The following SLC12A2 variants were observed in gnomAD, a reference collection of about 807,000 sequenced individuals.
SLC12A2 encodes the protein solute carrier family 12 member 2.
Under a neutral mutation model 136.3 loss-of-function variants are expected in SLC12A2, and 67 were observed. The observed-to-expected ratio is 0.49, with a 90% CI of 0.40 to 0.60. The LOEUF (loss-of-function observed/expected upper bound fraction) is 0.60. Ranked by LOEUF, SLC12A2 falls within the 20% of genes least tolerant of loss-of-function variation. The pLI is 0.00. For synonymous variants in SLC12A2, 619 were observed against 562.9 expected (o/e 1.10, Z -1.41); for missense variants, 1,322 against 1,534.7 (o/e 0.86, Z 2.32).
At position 128,088,007 on chromosome 5, in the gene SLC12A2, CTGTGTG is replaced by C. The variant is rs58191870; in HGVS notation, c.756+3325_756+3330del. 2.1e-3 allele frequency among the ~76,000 whole-genome samples: 298 copies of C among 140,388 alleles called. 2 individuals are homozygous for C. Among genetic ancestry groups the C allele is most frequent in the African/African-American group, 7.1e-3 (266 of 37,672 alleles). The allele number at this position is 140,388 out of a possible 152,430, so 92.1% of individuals were successfully genotyped here. On this transcript the variant is annotated intron_variant, in intron 1 of 26. Transcript: ENST00000262461. ...TATTCCAAGAGTCGTGGAGGAGGCTCTGTGTGTGTGTGTGTGTGTGTGTGTGTGTGT... is the reference window on the plus strand; with the variant it reads ...TATTCCAAGAGTCGTGGAGGAGGCTCTGTGTGTGTGTGTGTGTGTGTGTGT...
intron 1 of SLC12A2, among the ~76,000 whole-genome samples, chr5:128,109,202 A>C (rs1172350937): frequency 1.3e-5 from 2 of 152,246 alleles, no homozygotes; most frequent in African/African-American, 4.8e-5. Flanking sequence ...AATATACTTA[A>C]TTAAGTTCAT....
chr5:128,103,786 AC>A (rs1455748102), intron 1 of SLC12A2, among the ~76,000 whole-genome samples: 2 of 152,212 alleles, frequency 1.3e-5, no homozygotes, highest in Non-Finnish European at 2.9e-5. Context: ...ATACTTTAAA[AC>A]CAGTATTTCA....
chr5:128,171,329 C>G (rs954847889), intron 18 of SLC12A2, among the ~76,000 whole-genome samples: 1 of 151,750 alleles, frequency 6.6e-6, no homozygotes, highest in African/African-American at 2.4e-5. Flanking sequence ...TGGTATAAGC[C>G]CAAATATAAA....
At position 128,178,656 on chromosome 5, in the gene SLC12A2, A is replaced by C; in HGVS notation, c.3067A>C (p.Thr1023Pro). The part of the protein sequence containing the change: ...TQFQKKQGKN[T>P]IDVWWLFDDG... ...GTTTCAGAAAAAACAAGGAAAGAAT[A>C]CTATTGATGTCTGGTGGCTTTTTGA... is the stretch of plus-strand genomic sequence containing the variant. Residue 1023 changes from threonine to proline, a missense_variant, in exon 22 of 27, where the codon ACT becomes CCT. Around this residue, in one of 8 missense-constraint regions of SLC12A2, gnomAD observed 226 missense variants for 210.4 expected, o/e 1.07. Coordinates refer to ENST00000262461, the MANE Select transcript of SLC12A2 (RefSeq NM_001046.3). 6.3e-7 allele frequency: 1 copy of C among 1,590,704 alleles called. No individual in the cohort carries two copies. The highest frequency in any genetic ancestry group is 1.2e-5 in the South Asian group (1 of 85,824).
intron 23 of SLC12A2, 40 bp from the exon 24 acceptor site, chr5:128,182,815 G>A (rs1351909239): frequency 1.4e-6 from 2 of 1,419,404 alleles, no homozygotes; most frequent in Non-Finnish European, 9.9e-7. Flanking sequence ...AATATAGAAT[G>A]AAAATACTTG....
At chr5:128,101,019 C>G (rs982073620) in intron 1 of SLC12A2, among the ~76,000 whole-genome samples, 1 of 152,066 alleles carries the variant, frequency 6.6e-6, no homozygotes, top group African/African-American at 2.4e-5. Flanking sequence ...ATGGTCACAC[C>G]ATCCACTTTT....
At chr5:128,167,998 C>A in intron 18 of SLC12A2, 131 bp downstream of exon 18, 3 of 559,800 alleles carry the variant, frequency 5.4e-6, no homozygotes, top group Non-Finnish European at 9.2e-6. Flanking sequence ...AAGAATCACA[C>A]AAAGCATCTG....
chr5:128,172,501 TC>T (rs1293630228), intron 19 of SLC12A2, among the ~76,000 whole-genome samples: 2 of 152,226 alleles, frequency 1.3e-5, no homozygotes, highest in Non-Finnish European at 2.9e-5. Context: ...CCCTATGTGT[TC>T]CCCCTTTCTA....
chr5:128,108,216 G>A (rs1476759219), intron 1 of SLC12A2, among the ~76,000 whole-genome samples: 1 of 152,124 alleles, frequency 6.6e-6, no homozygotes, highest in Non-Finnish European at 1.5e-5. Flanking sequence ...GTGACAGTTT[G>A]CAGTCTCATA....
intron 2 of SLC12A2, 50 bp from the exon 3 acceptor site, chr5:128,114,161 TG>T: frequency 7.8e-7 from 1 of 1,281,884 alleles, no homozygotes; most frequent in Non-Finnish European, 1.1e-6. Context: ...TACTATATAA[TG>T]TTTGATTATT....
At chr5:128,128,805 TA>T (rs74617853) in intron 4 of SLC12A2, among the ~76,000 whole-genome samples, 301 of 138,240 alleles carry the variant, frequency 2.2e-3, no homozygotes, top group Middle Eastern at 7.2e-3. Flanking sequence ...GGTAGATCTT[TA>T]AAAAAAAAAA....
chr5:128,147,961 T>TA (rs1421844450), intron 11 of SLC12A2, among the ~76,000 whole-genome samples: 2 of 151,682 alleles, frequency 1.3e-5, no homozygotes, highest in Non-Finnish European at 3.0e-5. Flanking sequence ...TGAGTCTTTT[T>TA]AGAAGTGCTG....
chr5:128,094,459 A>G (rs893514840), intron 1 of SLC12A2, among the ~76,000 whole-genome samples: 3 of 152,012 alleles, frequency 2.0e-5, no homozygotes, highest in African/African-American at 7.2e-5. Context: ...TAGCATTGGA[A>G]ATTGGGGCAG....
intron 4 of SLC12A2, among the ~76,000 whole-genome samples, chr5:128,127,782 G>T (rs902440407): frequency 6.6e-6 from 1 of 151,512 alleles, no homozygotes; most frequent in African/African-American, 2.4e-5. Context: ...ACATGTCCCT[G>T]CTTTCATTCC....
chr5:128,088,870 TAGAAAC>T (rs1460325902), intron 1 of SLC12A2, among the ~76,000 whole-genome samples: 6 of 152,104 alleles, frequency 3.9e-5, no homozygotes, highest in African/African-American at 1.4e-4. Flanking sequence ...AATGAGCTAA[TAGAAAC>T]AGAAGAAATT....
chr5:128,103,099 A>G (rs373847924), intron 1 of SLC12A2, among the ~76,000 whole-genome samples: 4 of 152,166 alleles, frequency 2.6e-5, no homozygotes, highest in Non-Finnish European at 1.5e-5. Context: ...ATCTCTAAGG[A>G]TATGCTGAGG....
At chr5:128,149,782 G>A (rs1190935928) in intron 12 of SLC12A2, among the ~76,000 whole-genome samples, 2 of 151,866 alleles carry the variant, frequency 1.3e-5, no homozygotes, top group East Asian at 3.8e-4. Context: ...GGAGATGTGT[G>A]AGATAAAGTA....
intron 4 of SLC12A2, among the ~76,000 whole-genome samples, chr5:128,116,347 A>G (rs1761349785): frequency 6.6e-6 from 1 of 151,464 alleles, no homozygotes; most frequent in African/African-American, 2.4e-5. Flanking sequence ...TTTCAATAAT[A>G]CCATTTGTAG....
chr5:128,149,867 T>G (rs1430249034), intron 12 of SLC12A2, 130 bp from the exon 13 acceptor site: 1 of 701,812 alleles, frequency 1.4e-6, no homozygotes, highest in African/African-American at 1.8e-5. Context: ...TGGCAAACTC[T>G]AAATGTTTAT....
Sources: allele counts gnomAD v4.1 joint callset (sites outside exome capture counted in the v4.1 genomes callset), GRCh38; gene constraint gnomAD v4.1.1; regional missense constraint gnomAD v4.1.1; transcripts MANE v1.5; gene names NCBI Gene and HGNC (gene_info 2026-07-23, HGNC 2026-07-21).